SORCS2: variants seen among roughly 807,000 people sequenced by gnomAD.
The protein encoded by SORCS2 is sortilin related VPS10 domain containing receptor 2.
Under a neutral mutation model 141.6 loss-of-function variants are expected in SORCS2, and 100 were observed. That is an observed-to-expected ratio of 0.71 (90% CI 0.60 to 0.83). The LOEUF is 0.83. SORCS2 is among the 40% of genes least tolerant of loss of function. The pLI is 0.00. For synonymous variants in SORCS2, 789 were observed against 676.9 expected (o/e 1.17, Z -2.57); for missense variants, 1,646 against 1,560.2 (o/e 1.05, Z -0.93).
chr4:7,469,270 T>A lies in SORCS2; in HGVS notation c.549-62260T>A, dbSNP rs374243746. 6.1e-3 allele frequency among the ~76,000 whole-genome samples: 901 copies of A among 148,084 alleles called. 12 individuals are homozygous for A. Among genetic ancestry groups the A allele is most frequent in the African/African-American group, 0.022 (851 of 37,888 alleles). ...GATGGAGGTGATGGTAATGGTGGTGTTGGTGATGATGATGATGATGATGAT... is the reference window on the plus strand; with the variant it reads ...GATGGAGGTGATGGTAATGGTGGTGATGGTGATGATGATGATGATGATGAT... On this transcript the variant is annotated intron_variant, in intron 2 of 26. Coordinates refer to ENST00000507866, the MANE Select transcript of SORCS2 (RefSeq NM_020777.3).
intron 3 of SORCS2, among the ~76,000 whole-genome samples, chr4:7,531,941 A>G (rs1711693728): frequency 6.6e-6 from 1 of 152,266 alleles, no homozygotes; most frequent in Non-Finnish European, 1.5e-5. Flanking sequence ...GCCTGGAAGC[A>G]GAGACAGCAG....
At chr4:7,576,822 G>C (rs952913619) in intron 3 of SORCS2, among the ~76,000 whole-genome samples, 1 of 152,198 alleles carries the variant, frequency 6.6e-6, no homozygotes, top group Non-Finnish European at 1.5e-5. Flanking sequence ...AAGAACTGGA[G>C]CCAGCCTGGC....
intron 1 of SORCS2, among the ~76,000 whole-genome samples, chr4:7,390,254 C>T (rs997090058): frequency 3.9e-4 from 59 of 152,284 alleles, no homozygotes; most frequent in African/African-American, 1.4e-3. Context: ...TATTGATTGA[C>T]AACTGAATTG....
chr4:7,689,464 G>A lies in SORCS2; in HGVS notation c.1489-22G>A, dbSNP rs570563881. On this transcript the variant is annotated intron_variant, in intron 10 of 26. Transcript: ENST00000507866. ...TGCTCCTACTCATGTGTTGACAGTT[G>A]CGTCCTTTCTCTTCCTTGCAGCCAG... 10 of 1,569,978 alleles carry A rather than the reference G, an allele frequency of 6.4e-6. No individual in the cohort carries two copies. In the East Asian group the frequency reaches 2.4e-4, roughly 37 times the overall value.
intron 2 of SORCS2, among the ~76,000 whole-genome samples, chr4:7,451,299 G>T (rs1433778490): frequency 1.3e-5 from 2 of 152,254 alleles, no homozygotes; most frequent in Non-Finnish European, 2.9e-5. Flanking sequence ...AGCAGCGGCA[G>T]TGGGGCCTGG....
At chr4:7,538,362 C>G (rs1343536041) in intron 3 of SORCS2, among the ~76,000 whole-genome samples, 1 of 152,178 alleles carries the variant, frequency 6.6e-6, no homozygotes, top group Non-Finnish European at 1.5e-5. Context: ...GGGGCCCTGA[C>G]GACCCCCACA....
intron 1 of SORCS2, among the ~76,000 whole-genome samples, chr4:7,293,228 C>T (rs535220778): frequency 1.3e-5 from 2 of 151,600 alleles, no homozygotes; most frequent in South Asian, 4.2e-4. Context: ...GGCGTGAACC[C>T]AGGAGGTGGA....
chr4:7,453,612 G>A (rs1728646890), intron 2 of SORCS2, among the ~76,000 whole-genome samples: 1 of 139,546 alleles, frequency 7.2e-6, no homozygotes, highest in South Asian at 2.5e-4. Context: ...GGAGCTGTGT[G>A]TTGGGGTCAG....
chr4:7,701,912 G>A (rs935561802), intron 12 of SORCS2, among the ~76,000 whole-genome samples: 11 of 152,270 alleles, frequency 7.2e-5, no homozygotes, highest in African/African-American at 2.6e-4. Context: ...CAGCCCCCTG[G>A]GCACAGTGCA....
intron 26 of SORCS2, 54 bp downstream of exon 26, chr4:7,737,226 C>A (rs995764011): frequency 3.2e-6 from 5 of 1,546,672 alleles, no homozygotes; most frequent in African/African-American, 1.4e-5. Context: ...TAACGTCCGC[C>A]CCAAACCCAC....
intron 2 of SORCS2, among the ~76,000 whole-genome samples, chr4:7,515,673 C>G (rs936943942): frequency 1.3e-5 from 2 of 152,208 alleles, no homozygotes; most frequent in Non-Finnish European, 1.5e-5. Context: ...GCTTTTCTCT[C>G]CAGCAGCATT....
At position 7,531,624 on chromosome 4, in the gene SORCS2, A is replaced by T. The variant is rs573385337; in HGVS notation, c.643A>T (p.Arg215Trp). 1.9e-6 allele frequency: 3 copies of T among 1,613,536 alleles called. No homozygotes were observed. The highest frequency in any genetic ancestry group is 2.5e-6 in the Non-Finnish European group (3 of 1,179,736). ...TTTCTACATCTGCCCGACCAACAAG[A>T]GGAAGGTAGGTGCTGGCTGGGGGTG... ...DNFYICPTNK[R>W]KVILVSSSLS... The change falls in exon 3 of 27, where the codon AGG becomes TGG. Residue 215 changes from arginine to tryptophan, a missense_variant. Arg to Trp is a moderately radical substitution (Grantham distance 101). Transcript: ENST00000507866.
intron 1 of SORCS2, among the ~76,000 whole-genome samples, chr4:7,271,246 C>T (rs1270436766): frequency 6.6e-6 from 1 of 152,160 alleles, no homozygotes; most frequent in African/African-American, 2.4e-5. Context: ...ACTCTGAGCC[C>T]TCTCACCACT....
chr4:7,432,268 G>A (rs1280858697), intron 2 of SORCS2: 3 of 152,112 alleles, frequency 2.0e-5, no homozygotes, highest in Admixed American at 1.3e-4. Flanking sequence ...TTTGGAGAAC[G>A]CTTGTGGTTT....
chr4:7,598,158 G>A (rs1044377990), intron 3 of SORCS2, among the ~76,000 whole-genome samples: 4 of 151,976 alleles, frequency 2.6e-5, no homozygotes, highest in Admixed American at 1.3e-4. Context: ...TAGAAGAGAC[G>A]GGGTTTCACC....
At chr4:7,428,078 T>A (rs991125558) in intron 2 of SORCS2, among the ~76,000 whole-genome samples, 4 of 152,202 alleles carry the variant, frequency 2.6e-5, no homozygotes, top group Non-Finnish European at 5.9e-5. Context: ...CCAGCCGTCA[T>A]CTGTGGGTCC....
intron 4 of SORCS2, 93 bp downstream of exon 4, chr4:7,638,585 C>T (rs187209736): frequency 6.9e-5 from 94 of 1,367,696 alleles, no homozygotes; most frequent in African/African-American, 6.1e-4. Context: ...AAGTGGGACC[C>T]GGAACCCCTG....
intron 1 of SORCS2, among the ~76,000 whole-genome samples, chr4:7,291,634 C>T (rs886836930): frequency 7.2e-5 from 11 of 152,136 alleles, no homozygotes; most frequent in Non-Finnish European, 1.5e-4. Context: ...GTCAGGGCTG[C>T]CTGCCAGGAG....
At chr4:7,415,335 T>C (rs1725594225) in intron 2 of SORCS2, among the ~76,000 whole-genome samples, 1 of 150,942 alleles carries the variant, frequency 6.6e-6, no homozygotes, top group African/African-American at 2.4e-5. Context: ...AAAGAATCCA[T>C]TCTCTTGCCT....
Sources: gnomAD v4.1 joint callset for allele counts (sites outside exome capture counted in the v4.1 genomes callset) on GRCh38, gnomAD v4.1.1 for gene constraint, MANE v1.5 for transcripts, NCBI Gene and HGNC (gene_info 2026-07-23, HGNC 2026-07-21) for gene names.